The following STAG2 variants were observed in gnomAD, a reference collection of about 807,000 sequenced individuals.
STAG2 encodes STAG2 cohesin complex component.
A neutral mutation model predicts 108.1 loss-of-function variants in STAG2; 14 were observed. The ratio of observed to expected loss-of-function variants is 0.13; its 90% confidence interval spans 0.09 to 0.20. The LOEUF is 0.20. Among genes scored for constraint, STAG2 ranks in the 10% least tolerant of loss-of-function variants. STAG2 has a pLI of 1.00. For synonymous variants in STAG2, 307 were observed against 302.7 expected, an observed-to-expected ratio of 1.01 and a Z score of -0.15; for missense variants, 440 against 940.9, an observed-to-expected ratio of 0.47 and a Z score of 6.96.
At chrX:124,079,961 CATTT>C (rs2058911799) in intron 27 of STAG2, among the ~76,000 whole-genome samples, 1 of 107,379 alleles carries the variant, frequency 9.3e-6, no homozygotes, top group Non-Finnish European at 1.9e-5. Flanking sequence ...AGGAGAGGTT[CATTT>C]ATTTTTTTTT....
In STAG2 at chrX:124,055,311, C is replaced by T. The variant is rs1041302580; in HGVS notation, c.1197-817C>T. Among the ~76,000 whole-genome samples, 57 of 112,001 alleles carry T rather than the reference C, an allele frequency of 5.1e-4. 1 individual carries two copies. Among genetic ancestry groups the T allele is most frequent in the Non-Finnish European group, 7.5e-5 (4 of 53,189 alleles). ...CTATCCAGTATTCTTAGGCTTTTTT[C>T]CTCTGGCAGTGGTCCTATGATTTGA... On this transcript the variant is annotated intron_variant, in intron 13 of 34. Coordinates refer to ENST00000371145, the MANE Select transcript of STAG2 (RefSeq NM_001042750.2).
At chrX:124,016,423 T>C (rs1457379165) in intron 1 of STAG2, among the ~76,000 whole-genome samples, 1 of 112,435 alleles carries the variant, frequency 8.9e-6, no homozygotes, top group African/African-American at 3.2e-5. Flanking sequence ...CTTGATTTGT[T>C]ACTGTATTCC....
At chrX:123,966,272 C>G (rs1180596048) in intron 1 of STAG2, among the ~76,000 whole-genome samples, 1 of 109,981 alleles carries the variant, frequency 9.1e-6, no homozygotes, top group Non-Finnish European at 1.9e-5. Context: ...ACCAGCCTGG[C>G]CAACATGGTG....
intron 1 of STAG2, among the ~76,000 whole-genome samples, chrX:123,978,350 A>G (rs187489956): frequency 2.8e-5 from 3 of 107,568 alleles, no homozygotes; most frequent in Admixed American, 1.0e-4. Context: ...GTTTCCCCCC[A>G]TATGTCCATG....
At chrX:124,010,874 T>TG (rs1304994244) in intron 1 of STAG2, among the ~76,000 whole-genome samples, 2 of 111,726 alleles carry the variant, frequency 1.8e-5, no homozygotes, top group African/African-American at 3.2e-5. Context: ...TTGGGCTTTT[T>TG]GGGGTCCCTT....
chrX:124,076,301 A>G, intron 25 of STAG2, 31 bp from the exon 26 acceptor site: 2 of 1,193,444 alleles, frequency 1.7e-6, no homozygotes, highest in African/African-American at 1.7e-5. Context: ...ATAAAATACA[A>G]GATGCTTAAT....
intron 4 of STAG2, among the ~76,000 whole-genome samples, chrX:124,029,080 A>C (rs181634419): frequency 1.0e-5 from 1 of 100,169 alleles, no homozygotes; most frequent in Admixed American, 1.1e-4. Flanking sequence ...GCAGTGGCGC[A>C]GTCTTGGCTC....
chrX:123,962,273 C>T (rs1040926693), intron 1 of STAG2, among the ~76,000 whole-genome samples: 1 of 111,322 alleles, frequency 9.0e-6, no homozygotes, highest in Non-Finnish European at 1.9e-5. Context: ...CAAGTAGTTC[C>T]GCAAAACTTT....
intron 4 of STAG2, among the ~76,000 whole-genome samples, chrX:124,029,011 A>ATATATATATATATATATATT (rs1556502224): frequency 1.2e-5 from 1 of 82,497 alleles, no homozygotes; most frequent in African/African-American, 4.6e-5. Context: ...ATATATATAT[A>ATATATATATATATATATATT]TATTTATTTA....
rs1227757060 is a variant in STAG2, at chrX:123,985,418, A to G, written c.-163+23562A>G. ...CTAATATTTTTTATTTTTTGTAGAG[A>G]TGGCGTCTTACTTTGTTCCCCAGGC... is the stretch of plus-strand genomic sequence containing the variant. On this transcript the variant is annotated intron_variant, in intron 1 of 34. Coordinates refer to ENST00000371145, the MANE Select transcript of STAG2 (RefSeq NM_001042750.2). Among the ~76,000 whole-genome samples the G allele has an allele frequency of 3.6e-5, 4 of 109,740 alleles. No individual in the cohort carries two copies. In the East Asian group the frequency reaches 1.1e-3, roughly 31 times the overall value.
intron 1 of STAG2, among the ~76,000 whole-genome samples, chrX:124,010,720 A>G (rs1178600075): frequency 9.0e-6 from 1 of 111,440 alleles, no homozygotes; most frequent in Non-Finnish European, 1.9e-5. Context: ...ATGAGGAAAA[A>G]AATTGGTTTC....
At chrX:124,016,991 G>A (rs2056753048) in intron 1 of STAG2, among the ~76,000 whole-genome samples, 1 of 111,057 alleles carries the variant, frequency 9.0e-6, no homozygotes, top group African/African-American at 3.3e-5. Context: ...GGAGTGTTAA[G>A]GGTATGGCAT....
rs1556559050 is a variant in STAG2, at chrX:124,081,097, T to TTC, written c.2776-283_2776-282insTC. Among the ~76,000 whole-genome samples, 4 of 109,391 alleles carry TTC rather than the reference T, an allele frequency of 3.7e-5. No individual in the cohort carries two copies. In the East Asian group the frequency reaches 8.7e-4, roughly 24 times the overall value. 95.0% of individuals were successfully genotyped at this position (109,391 alleles called of 115,157 possible). ...CCTAATAATTTGCTGGGGTTTTTTTTCCCCTTTATATTTTTATATGCTATG... is the reference window on the plus strand; with the variant it reads ...CCTAATAATTTGCTGGGGTTTTTTTTTCCCCCTTTATATTTTTATATGCTATG... On this transcript the variant is annotated intron_variant, in intron 27 of 34. Transcript: ENST00000371145.
chrX:124,029,011 A>ATATATATATT (rs1556502224), intron 4 of STAG2, among the ~76,000 whole-genome samples: 1 of 82,516 alleles, frequency 1.2e-5, no homozygotes, highest in African/African-American at 4.6e-5. Flanking sequence ...ATATATATAT[A>ATATATATATT]TATTTATTTA....
chrX:124,085,778 A>G (rs2059088885), intron 29 of STAG2, among the ~76,000 whole-genome samples: 1 of 106,702 alleles, frequency 9.4e-6, no homozygotes, highest in Non-Finnish European at 1.9e-5. Context: ...TGTCTCAAAA[A>G]AAAAAAAAAA....
At chrX:123,997,402 T>C (rs753501223) in intron 1 of STAG2, among the ~76,000 whole-genome samples, 1 of 111,651 alleles carries the variant, frequency 9.0e-6, no homozygotes, top group East Asian at 2.8e-4. Flanking sequence ...ACCATCTGTT[T>C]CTAGCAACTT....
intron 1 of STAG2, among the ~76,000 whole-genome samples, chrX:123,987,705 C>A (rs2055263858): frequency 8.9e-6 from 1 of 111,748 alleles, no homozygotes; most frequent in South Asian, 3.7e-4. Flanking sequence ...ATCAAGAGCC[C>A]TAAAGTAAAT....
intron 1 of STAG2, among the ~76,000 whole-genome samples, chrX:124,002,960 C>T (rs1373700542): frequency 9.3e-6 from 1 of 107,595 alleles, no homozygotes; most frequent in Non-Finnish European, 1.9e-5. Context: ...CCGGCCACAC[C>T]TGATTTTTTG....
At chrX:124,039,465 A>G (rs2057631094) in intron 6 of STAG2, among the ~76,000 whole-genome samples, 1 of 109,388 alleles carries the variant, frequency 9.1e-6, no homozygotes, top group African/African-American at 3.3e-5. Context: ...TATTTTTCGT[A>G]GAGACAGATC....
Sources: allele counts gnomAD v4.1 joint callset (sites outside exome capture counted in the v4.1 genomes callset), GRCh38; gene constraint gnomAD v4.1.1; transcripts MANE v1.5; gene names NCBI Gene and HGNC (gene_info 2026-07-23, HGNC 2026-07-21).